ATAD3A: variants seen among roughly 807,000 people sequenced by gnomAD.
The protein encoded by ATAD3A is ATPase family AAA domain containing 3A, also known as ATPase family AAA domain-containing protein 3A.
In ATAD3A, 46 loss-of-function variants were observed where a neutral mutation model predicts 73.8. That is an observed-to-expected ratio of 0.62 (90% CI 0.49 to 0.80). The LOEUF (loss-of-function observed/expected upper bound fraction) is 0.80. Ranked by LOEUF, ATAD3A falls within the 30% of genes least tolerant of loss-of-function variation. The pLI, the probability that ATAD3A is intolerant of heterozygous loss-of-function variation, is 0.00. For missense variants in ATAD3A, 705 were observed against 838.0 expected (o/e 0.84, Z 1.96); for synonymous variants, 319 against 350.0 (o/e 0.91, Z 0.99).
At chr1:1,517,104 G>A in intron 2 of ATAD3A, 2 of 1,535,894 alleles carry the variant, frequency 1.3e-6, no homozygotes, top group African/African-American at 1.4e-5. Context: ...GCCTTCGCGG[G>A]CTTCTGCTGG....
chr1:1,515,117 T>C (rs1557455181), intron 1 of ATAD3A, among the ~76,000 whole-genome samples: 1 of 152,172 alleles, frequency 6.6e-6, no homozygotes, highest in Non-Finnish European at 1.5e-5. Flanking sequence ...AGTCTCTCTC[T>C]GTCTAGCTGG....
chr1:1,520,205 C>T lies in ATAD3A; in HGVS notation c.579C>T (p.Ala193=). 1 of 1,612,066 alleles carries T rather than the reference C, an allele frequency of 6.2e-7. No homozygotes were observed. The highest frequency in any genetic ancestry group is 8.5e-7 in the Non-Finnish European group (1 of 1,179,674). Residue 193 remains alanine, a synonymous_variant, in exon 6 of 16, where the codon GCC becomes GCT. Transcript: ENST00000378756. The surrounding 1 kb of genome is among the most constrained non-coding windows in gnomAD (Gnocchi z 4.0). ...KNEMLRVEAE[A]RARAKAEREN... ...AGATGCTGCGAGTGGAGGCCGAGGCCCGGGCGCGCGCCAAGGCCGAGCGGG... is the reference window on the plus strand; with the variant it reads ...AGATGCTGCGAGTGGAGGCCGAGGCTCGGGCGCGCGCCAAGGCCGAGCGGG...
rs1188263785 is a variant in ATAD3A at position 1,523,827 on chromosome 1, C to T, written c.964-12C>T. On this transcript the variant is annotated splice_polypyrimidine_tract_variant and intron_variant, in intron 9 of 15. Transcript: ENST00000378756. This position sits in a 1 kb window ranked among gnomAD's most constrained non-coding sequence, Gnocchi z 5.1. The stretch of plus-strand genomic sequence containing the variant: ...CACAGTGTCTCCTCCAAACCCCCGT[C>T]TTCCCCGGCAGCCCAGCCTGGAAGC... 9.3e-6 allele frequency: 15 copies of T among 1,613,852 alleles called. No homozygotes were observed. Among genetic ancestry groups the T allele is most frequent in the Non-Finnish European group, 1.3e-5 (15 of 1,179,990 alleles).
intron 1 of ATAD3A, among the ~76,000 whole-genome samples, chr1:1,514,710 CAG>C (rs1415722387): frequency 6.6e-6 from 1 of 152,184 alleles, no homozygotes; most frequent in Non-Finnish European, 1.5e-5. Flanking sequence ...GAGCTGAGAA[CAG>C]ACGCTGGGCT....
chr1:1,531,782 A>C (rs1642043361), intron 15 of ATAD3A, among the ~76,000 whole-genome samples: 1 of 151,678 alleles, frequency 6.6e-6, no homozygotes, highest in African/African-American at 2.4e-5. Flanking sequence ...TGTCTCAAAA[A>C]TAAAAAAATA....
intron 2 of ATAD3A, 194 bp from the exon 3 acceptor site, chr1:1,517,117 C>T: frequency 6.5e-7 from 1 of 1,541,542 alleles, no homozygotes; most frequent in Non-Finnish European, 8.8e-7. Context: ...TCTGCTGGTG[C>T]TTCTGTGCCT....
chr1:1,518,780 AC>A, intron 4 of ATAD3A, 140 bp from the exon 5 acceptor site: 2 of 1,516,208 alleles, frequency 1.3e-6, no homozygotes, highest in East Asian at 2.4e-5. Context: ...GGGCACCGTC[AC>A]CCCCCGCAAA....
intron 4 of ATAD3A, among the ~76,000 whole-genome samples, chr1:1,518,207 C>A (rs1641434873): frequency 6.6e-6 from 1 of 151,304 alleles, no homozygotes; most frequent in South Asian, 2.1e-4. Context: ...TGTAAACACA[C>A]CCCCATACAG....
chr1:1,530,657 G>A (rs1275731122), intron 15 of ATAD3A, among the ~76,000 whole-genome samples: 1 of 122,614 alleles, frequency 8.2e-6, no homozygotes, highest in Admixed American at 7.8e-5. Context: ...GTGAAACCCC[G>A]TCTCTACTAA....
At chr1:1,514,316 C>T (rs1232517238) in intron 1 of ATAD3A, among the ~76,000 whole-genome samples, 21 of 152,018 alleles carry the variant, frequency 1.4e-4, no homozygotes, top group South Asian at 8.3e-4. Flanking sequence ...GTGACACCCA[C>T]GTTCCTGTCA....
In ATAD3A at chr1:1,525,426, T is replaced by G. The variant is rs1641773644; in HGVS notation, c.1266+135T>G. The G allele has an allele frequency of 3.2e-6, 4 of 1,264,976 alleles. No individual in the cohort carries two copies. The East Asian group carries it at 7.1e-5, about 23-fold the overall frequency. The allele number at this position is 1,264,976 out of a possible 1,614,324, so 78.4% of individuals were successfully genotyped here. On this transcript the variant is annotated intron_variant, in intron 12 of 15. Transcript: ENST00000378756. ...TGTGAAAAACAGCTTTTTTTTTTTT[T>G]TTTTTTGAGAAGAAATCTCGCTCTA...
intron 4 of ATAD3A, among the ~76,000 whole-genome samples, chr1:1,518,525 A>G (rs1483118383): frequency 1.2e-5 from 1 of 84,130 alleles, no homozygotes; most frequent in Non-Finnish European, 2.1e-5. Flanking sequence ...ATGGGCGCAC[A>G]GACCCCACAC....
chr1:1,532,627 T>C (rs758133263), intron 15 of ATAD3A, among the ~76,000 whole-genome samples: 1 of 152,204 alleles, frequency 6.6e-6, no homozygotes, highest in Non-Finnish European at 1.5e-5. Flanking sequence ...CCGTGCTTCC[T>C]GGAGGGGTGG....
At chr1:1,516,160 C>T (rs1641351292) in intron 2 of ATAD3A, 72 bp downstream of exon 2, 1 of 1,603,214 alleles carries the variant, frequency 6.2e-7, no homozygotes, top group African/African-American at 1.3e-5. Context: ...GGTAGGGCTA[C>T]TGCCGGTGGG....
At chr1:1,519,256 T>C in intron 5 of ATAD3A, among the ~76,000 whole-genome samples, 1 of 141,060 alleles carries the variant, frequency 7.1e-6, no homozygotes, top group Admixed American at 7.1e-5. Context: ...AGACGGAGTC[T>C]CGCTCTGTCA....
rs750294848 is a variant in ATAD3A, at chr1:1,516,029, C to G, written c.223C>G (p.Leu75Val). 7.4e-6 allele frequency: 12 copies of G among 1,614,058 alleles called. No homozygotes were observed. The highest frequency in any genetic ancestry group is 8.5e-6 in the Non-Finnish European group (10 of 1,179,954). ...GTCTGCAGGTTATGCCAAGGACGCC[C>G]TGAATCTGGCACAGATGCAGGAGCA... ...LEHSRYAKDA[L>V]NLAQMQEQTL... Residue 75 changes from leucine to valine, a missense_variant, in exon 2 of 16, where the codon CTG (leucine) becomes GTG (valine). By Grantham distance (32) the Leu-to-Val change is conservative (BLOSUM62 1). Around this residue, in one of 5 missense-constraint regions of ATAD3A, gnomAD observed 125 missense variants for 170.6 expected, o/e 0.73. Transcript: ENST00000378756.
At position 1,534,338 on chromosome 1, in the gene ATAD3A, G is replaced by T. The variant is rs967946869; in HGVS notation, c.*266G>T. 9.9e-6 allele frequency: 14 copies of T among 1,410,800 alleles called. No individual in the cohort carries two copies. In the African/African-American group the frequency reaches 1.4e-4, roughly 15 times the overall value. The allele number at this position is 1,410,800 out of a possible 1,614,324, so 87.4% of individuals were successfully genotyped here. ...GATGCATTTTCCGTCTGGCTCACAGGGGGAGGGTGAGGCTTTGCACCCCAG... is the reference window on the plus strand; with the variant it reads ...GATGCATTTTCCGTCTGGCTCACAGTGGGAGGGTGAGGCTTTGCACCCCAG... On this transcript the variant is annotated 3_prime_UTR_variant, in exon 16 of 16. Coordinates refer to ENST00000378756, the MANE Select transcript of ATAD3A (RefSeq NM_001170535.3).
chr1:1,520,263 C>A lies in ATAD3A; in HGVS notation c.637C>A (p.Leu213Met). The A allele has an allele frequency of 6.2e-7, 1 of 1,613,058 alleles. No individual in the cohort carries two copies. Among genetic ancestry groups the A allele is most frequent in the South Asian group, 1.1e-5 (1 of 91,052 alleles). The change falls in exon 6 of 16, where the codon CTG (leucine) becomes ATG (methionine). Residue 213 changes from leucine (L) to methionine (M), a missense_variant. By Grantham distance (15) the Leu-to-Met change is conservative. Coordinates refer to ENST00000378756, the MANE Select transcript of ATAD3A (RefSeq NM_001170535.3). The surrounding 1 kb of genome is among the most constrained non-coding windows in gnomAD (Gnocchi z 4.0). ...NADIIREQIR[L>M]KAAEHRQTVL... The stretch of plus-strand genomic sequence containing the variant: ...AGACATCATCCGCGAGCAGATCCGC[C>A]TGAAGGCGGCCGAGCACCGTCAGAC...
intron 2 of ATAD3A, chr1:1,516,981 G>A: frequency 2.6e-6 from 3 of 1,169,784 alleles, no homozygotes; most frequent in African/African-American, 3.1e-5. Flanking sequence ...CAAAGTGCTG[G>A]GATTATAAGC....
Sources: gnomAD v4.1 joint callset for allele counts (sites outside exome capture counted in the v4.1 genomes callset) on GRCh38, gnomAD v4.1.1 for gene constraint, gnomAD v4.1.1 regional missense constraint, Gnocchi (gnomAD v3.1) non-coding constraint, MANE v1.5 for transcripts, NCBI Gene and HGNC (gene_info 2026-07-23, HGNC 2026-07-21) for gene names.